Variants in MTFR1 observed in about 807,000 individuals in gnomAD.
MTFR1 encodes the protein chondrocyte protein with a poly-proline region.
A neutral mutation model predicts 38.8 loss-of-function variants in MTFR1; 28 were observed. The observed-to-expected ratio is 0.72, with a 90% CI of 0.53 to 0.99. MTFR1 has a LOEUF of 0.99. MTFR1 is among the 50% of genes least tolerant of loss of function. MTFR1 has a pLI of 0.00. For synonymous variants in MTFR1, 145 were observed against 137.0 expected (o/e 1.06, Z -0.41); for missense variants, 358 against 395.5 (o/e 0.91, Z 0.81).
intron 1 of MTFR1, 60 bp downstream of exon 1, chr8:65,644,844 G>C (rs550661105): frequency 6.5e-6 from 1 of 152,672 alleles, no homozygotes; most frequent in Admixed American, 6.5e-5. Flanking sequence ...TCGGCTGCAG[G>C]CCTGACGGCG....
downstream of MTFR1, among the ~76,000 whole-genome samples, chr8:65,712,689 G>C (rs1016181529): frequency 6.6e-6 from 1 of 152,158 alleles, no homozygotes; most frequent in Admixed American, 6.5e-5. Context: ...AAGCTGTAAA[G>C]ACAGTGCTCA....
At chr8:65,650,908 A>G (rs1225328827) in intron 1 of MTFR1, among the ~76,000 whole-genome samples, 2 of 152,186 alleles carry the variant, frequency 1.3e-5, no homozygotes, top group Non-Finnish European at 2.9e-5. Context: ...GAGCAAATTT[A>G]CAGTCCCACC....
At chr8:65,778,157 G>A in the MTFR1 span, among the ~76,000 whole-genome samples, 5 of 152,210 alleles carry the variant, frequency 3.3e-5, no homozygotes, top group African/African-American at 4.8e-5. Context: ...AGCAAGCTGT[G>A]TGACACAGCT....
downstream of MTFR1, among the ~76,000 whole-genome samples, chr8:65,773,994 T>C (rs1022834810): frequency 1.1e-4 from 17 of 152,162 alleles, no homozygotes; most frequent in African/African-American, 3.9e-4. Flanking sequence ...CCACAGCCAA[T>C]CCTTATTTAT....
Position 65,719,795 on chromosome 8 carries a change from C to T in MTFR1, c.*48+314C>T, listed in dbSNP as rs540561360. 1.3e-4 allele frequency: 48 copies of T among 362,282 alleles called. No homozygotes were observed. The South Asian group carries it at 1.4e-3, about 11-fold the overall frequency. The allele number at this position is 362,282 out of a possible 1,614,324, so 22.4% of individuals were successfully genotyped here. On this transcript the variant is annotated intron_variant, in intron 3 of 3. Coordinates refer to the MTFR1 transcript ENST00000521247. ...ACATTCTTCTACTTAAGCAAAAATA[C>T]ACTGCCCATCTAAACTCTGAGGATA...
In MTFR1 at chr8:65,685,477, A is replaced by G. The variant is rs554422181; in HGVS notation, c.165+3026A>G. Among the ~76,000 whole-genome samples, 22 of 152,242 alleles carry G rather than the reference A, an allele frequency of 1.4e-4. 1 individual carries two copies. The highest frequency in any genetic ancestry group is 5.3e-4 in the African/African-American group (22 of 41,552). On this transcript the variant is annotated intron_variant, in intron 3 of 7. Coordinates refer to ENST00000262146, the MANE Select transcript of MTFR1 (RefSeq NM_014637.4). Reference sequence around the variant, plus strand: ...CTCTCTGGTAAACCTAACCCAAGCTATTTTCTTGGACTGCAAGGAGTGGTT... The same window carrying G: ...CTCTCTGGTAAACCTAACCCAAGCTGTTTTCTTGGACTGCAAGGAGTGGTT...
chr8:65,745,494 T>A, intron 3 of MTFR1: 1 of 1,312,396 alleles, frequency 7.6e-7, no homozygotes, highest in Non-Finnish European at 1.1e-6. Flanking sequence ...CAAACATTTC[T>A]ACTGTAATTT....
In MTFR1 at chr8:65,707,863, C is replaced by G; in HGVS notation, c.785C>G (p.Pro262Arg). 1.2e-6 allele frequency: 2 copies of G among 1,613,992 alleles called. No individual in the cohort carries two copies. Among genetic ancestry groups the G allele is most frequent in the Non-Finnish European group, 1.7e-6 (2 of 1,179,972 alleles). The change falls in exon 7 of 8, where the codon CCC (proline) becomes CGC (arginine). Residue 262 changes from proline (P) to arginine (R), a missense_variant. By Grantham distance (103) the Pro-to-Arg change is moderately radical. Transcript: ENST00000262146. ...CTAAGGTCAGAGCAAGATGTGAAGC[C>G]CAAGCCAGTGGATGCTACTGACCCT... Reference protein sequence around the residue: ...SVKRSEQDVKPKPVDATDPAA... With the variant: ...SVKRSEQDVKRKPVDATDPAA...
intron 3 of MTFR1, among the ~76,000 whole-genome samples, chr8:65,737,865 T>C (rs1333124448): frequency 1.3e-5 from 2 of 152,224 alleles, no homozygotes; most frequent in Admixed American, 6.5e-5. Flanking sequence ...TAACTTATTT[T>C]ATAGTTCCAC....
intron 4 of MTFR1, among the ~76,000 whole-genome samples, chr8:65,699,722 A>T (rs1163320126): frequency 6.6e-6 from 1 of 152,208 alleles, no homozygotes; most frequent in Non-Finnish European, 1.5e-5. Flanking sequence ...GCCGCAAGTT[A>T]GTCCTGCCTG....
chr8:65,715,251 A>G (rs891536748), downstream of MTFR1, among the ~76,000 whole-genome samples: 4 of 152,148 alleles, frequency 2.6e-5, no homozygotes, highest in African/African-American at 9.7e-5. Flanking sequence ...AAGTGGAGCT[A>G]TAGGCCTGAT....
At chr8:65,761,947 G>A (rs566729206) in intron 3 of MTFR1, among the ~76,000 whole-genome samples, 2 of 152,192 alleles carry the variant, frequency 1.3e-5, no homozygotes, top group South Asian at 2.1e-4. Context: ...TCCCACAACC[G>A]ATGTCACAAA....
chr8:65,655,229 C>T (rs1004066090), intron 1 of MTFR1, among the ~76,000 whole-genome samples: 10 of 152,182 alleles, frequency 6.6e-5, no homozygotes, highest in African/African-American at 2.2e-4. Flanking sequence ...CTGTCTCTAA[C>T]TTCTTTTAAA....
intron 1 of MTFR1, among the ~76,000 whole-genome samples, chr8:65,663,822 C>CTTTTTTTTTTTTTTTTTTTT (rs1035579864): frequency 2.5e-5 from 2 of 78,578 alleles, no homozygotes; most frequent in African/African-American, 9.4e-5. Context: ...AATTTCTTTT[C>CTTTTTTTTTTTTTTTTTTTT]TTTTTTTTTT....
Position 65,682,750 on chromosome 8 carries a change from T to C in MTFR1, c.165+299T>C, listed in dbSNP as rs577346594. 10 of 985,008 alleles carry C rather than the reference T, an allele frequency of 1.0e-5. No homozygotes were observed. In the South Asian group the frequency reaches 4.2e-4, roughly 42 times the overall value. 61.0% of individuals were successfully genotyped at this position (985,008 alleles called of 1,614,324 possible). The stretch of plus-strand genomic sequence containing the variant: ...GTGACCTCAAACATAGGCTTTATAT[T>C]ATTCCAGGTGCTTCATGTACCACCA... On this transcript the variant is annotated intron_variant, in intron 3 of 7. Coordinates refer to ENST00000262146, the MANE Select transcript of MTFR1 (RefSeq NM_014637.4).
chr8:65,760,858 A>G (rs1241110932), intron 3 of MTFR1, among the ~76,000 whole-genome samples: 1 of 152,176 alleles, frequency 6.6e-6, no homozygotes, highest in African/African-American at 2.4e-5. Context: ...GAGTGAAAAA[A>G]GCAAATAGAG....
intron 2 of MTFR1, among the ~76,000 whole-genome samples, chr8:65,715,903 A>C (rs1345574582): frequency 2.8e-5 from 4 of 145,228 alleles, no homozygotes; most frequent in African/African-American, 1.0e-4. Flanking sequence ...CAGGAGAATG[A>C]GGAGAATGGC....
intron 2 of MTFR1, chr8:65,718,069 T>C (rs1236566186): frequency 6.6e-6 from 1 of 152,236 alleles, no homozygotes; most frequent in African/African-American, 2.4e-5. Context: ...AACAATGCAC[T>C]TTTTTCAAAT....
chr8:65,678,625 G>A (rs1048941927), intron 2 of MTFR1, among the ~76,000 whole-genome samples: 2 of 152,116 alleles, frequency 1.3e-5, no homozygotes, highest in African/African-American at 4.8e-5. Flanking sequence ...AATCGGCTGG[G>A]CGTTGTGGCT....
Sources: allele counts gnomAD v4.1 joint callset (sites outside exome capture counted in the v4.1 genomes callset), GRCh38; gene constraint gnomAD v4.1.1; transcripts MANE v1.5; gene names NCBI Gene and HGNC (gene_info 2026-07-23, HGNC 2026-07-21).